Variants in FRMD4A observed in about 807,000 individuals in gnomAD.
FRMD4A encodes the protein FERM domain containing 4A, also known as FERM domain-containing protein 4A.
FRMD4A carries 29 observed loss-of-function variants against 129.1 expected under a neutral mutation model. The ratio of observed to expected loss-of-function variants is 0.22; its 90% CI spans 0.17 to 0.31. FRMD4A has a LOEUF of 0.31. FRMD4A is among the 10% of genes least tolerant of loss of function. The pLI is 1.00. For missense variants in FRMD4A, 1,272 were observed against 1,375.8 expected, an observed-to-expected ratio of 0.92 and a Z score of 1.19; for synonymous variants, 634 against 571.6, an observed-to-expected ratio of 1.11 and a Z score of -1.56.
At chr10:14,273,968 T>C (rs898299647) in intron 2 of FRMD4A, among the ~76,000 whole-genome samples, 1 of 152,130 alleles carries the variant, frequency 6.6e-6, no homozygotes, top group African/African-American at 2.4e-5. Flanking sequence ...GGGTGGAGAC[T>C]GGTGAGAAAG....
chr10:14,076,858 A>G (rs1208573523), intron 2 of FRMD4A, among the ~76,000 whole-genome samples: 2 of 152,202 alleles, frequency 1.3e-5, no homozygotes, highest in Non-Finnish European at 2.9e-5. Context: ...ACAAAGCTAC[A>G]TGAGATGTGG....
intron 12 of FRMD4A, among the ~76,000 whole-genome samples, chr10:13,730,736 G>A (rs551772233): frequency 2.6e-5 from 4 of 151,792 alleles, no homozygotes. Flanking sequence ...TTTTTTGGCT[G>A]GGCACAGTGG....
chr10:13,854,243 T>C (rs2094182147), intron 3 of FRMD4A, among the ~76,000 whole-genome samples: 1 of 152,072 alleles, frequency 6.6e-6, no homozygotes, highest in Non-Finnish European at 1.5e-5. Flanking sequence ...CAAATATACA[T>C]TCGGGTCAGA....
chr10:13,675,488 G>A (rs1026705737), intron 15 of FRMD4A, among the ~76,000 whole-genome samples: 41 of 152,058 alleles, frequency 2.7e-4, no homozygotes, highest in Admixed American at 1.6e-3. Flanking sequence ...TGCAACCTCC[G>A]CCTCCCAGGT....
At chr10:13,683,663 G>C (rs1426920072) in intron 15 of FRMD4A, among the ~76,000 whole-genome samples, 1 of 151,804 alleles carries the variant, frequency 6.6e-6, no homozygotes, top group Non-Finnish European at 1.5e-5. Flanking sequence ...GGAACCCACA[G>C]CCGGGAGCTA....
rs375940506 is a variant in FRMD4A, at chr10:13,884,152, ACT to A, written c.46-25242_46-25241del. Among the ~76,000 whole-genome samples, 125 of 23,404 alleles carry A rather than the reference ACT, an allele frequency of 5.3e-3. 3 individuals are homozygous for A. The highest frequency in any genetic ancestry group is 3.8e-3 in the African/African-American group (28 of 7,450). The allele number at this position is 23,404 out of a possible 152,430, so 15.4% of individuals were successfully genotyped here. ...CACACGCTCACACACACTCTCACAC[ACT>A]CTCACACACACACTCACACACTCAC... On this transcript the variant is annotated intron_variant, in intron 2 of 24. Transcript: ENST00000357447.
chr10:13,908,234 T>TAA (rs2094904245), intron 2 of FRMD4A, among the ~76,000 whole-genome samples: 1 of 150,436 alleles, frequency 6.6e-6, no homozygotes, highest in African/African-American at 2.4e-5. Context: ...CCATTAAAGT[T>TAA]AAACACTTTA....
chr10:13,814,098 T>C (rs2093494815), intron 3 of FRMD4A, among the ~76,000 whole-genome samples: 1 of 152,190 alleles, frequency 6.6e-6, no homozygotes, highest in Non-Finnish European at 1.5e-5. Flanking sequence ...GATTTTTTTT[T>C]TCAAATGCCA....
At chr10:14,282,726 A>G (rs1189607416) in intron 2 of FRMD4A, among the ~76,000 whole-genome samples, 4 of 152,220 alleles carry the variant, frequency 2.6e-5, no homozygotes, top group African/African-American at 9.6e-5. Context: ...AGGTTTAATG[A>G]GAACACATCT....
chr10:13,832,295 A>G (rs2093802466), intron 3 of FRMD4A, among the ~76,000 whole-genome samples: 1 of 152,152 alleles, frequency 6.6e-6, no homozygotes, highest in Non-Finnish European at 1.5e-5. Flanking sequence ...CAGCAATACC[A>G]GCATCAAGGA....
chr10:14,198,388 G>A (rs894943879), intron 2 of FRMD4A, among the ~76,000 whole-genome samples: 23 of 152,158 alleles, frequency 1.5e-4, no homozygotes, highest in African/African-American at 4.8e-4. Context: ...ATGGTTCTTG[G>A]CCAGGCGGAA....
rs1391798591 is a variant in FRMD4A at position 13,866,672 on chromosome 10, A to C, written c.46-7760T>G. On this transcript the variant is annotated intron_variant, in intron 2 of 24. Transcript: ENST00000357447. ...GGAAAGAAAGGACTTCAGGCAATTT[A>C]AAATCTGTTAAAACATTAATCCCTG... 5.9e-5 allele frequency among the ~76,000 whole-genome samples: 9 copies of C among 152,338 alleles called. No individual in the cohort carries two copies. The East Asian group carries it at 1.5e-3, about 26-fold the overall frequency.
At chr10:13,674,760 A>G (rs1243869097) in intron 16 of FRMD4A, 151 bp downstream of exon 16, 1 of 821,732 alleles carries the variant, frequency 1.2e-6, no homozygotes, top group Non-Finnish European at 2.0e-6. Flanking sequence ...CGCCGCCCAG[A>G]TAGGCCCTCT....
intron 2 of FRMD4A, among the ~76,000 whole-genome samples, chr10:13,913,117 G>A (rs2926387): frequency 0.96 from 145,752 of 151,768 alleles, 70,254 homozygotes; most frequent in East Asian, 1. Context: ...GAAATGAAGT[G>A]CTGATACATG....
intron 2 of FRMD4A, among the ~76,000 whole-genome samples, chr10:14,219,439 G>A (rs1456727405): frequency 1.3e-5 from 2 of 152,154 alleles, no homozygotes; most frequent in African/African-American, 4.8e-5. Context: ...AGCGCATTCT[G>A]ATGCCATCAG....
chr10:13,858,901 G>T lies in FRMD4A; in HGVS notation c.57C>A (p.Gly19=). ...CAAGAAGATGTACTTGACATCGGCG[G>T]CCCTCCGTCATCTAAGAGGGAAGAG... The part of the protein sequence containing the change: ...SALGLLMMTE[G]RRCQVHLLDD... The change falls in exon 3 of 25, where the codon GGC becomes GGA. Residue 19 remains glycine (G), a synonymous_variant. Coordinates refer to ENST00000357447, the MANE Select transcript of FRMD4A (RefSeq NM_018027.5). The T allele has an allele frequency of 6.3e-7, 1 of 1,597,170 alleles. No individual in the cohort carries two copies. Among genetic ancestry groups the T allele is most frequent in the Non-Finnish European group, 8.6e-7 (1 of 1,164,564 alleles).
chr10:14,273,599 T>G (rs1845238556), intron 2 of FRMD4A, among the ~76,000 whole-genome samples: 1 of 152,122 alleles, frequency 6.6e-6, no homozygotes, highest in Non-Finnish European at 1.5e-5. Flanking sequence ...TAGAAATGAA[T>G]TCTAACCTCT....
intron 2 of FRMD4A, among the ~76,000 whole-genome samples, chr10:14,110,350 T>C (rs1837834168): frequency 6.6e-6 from 1 of 151,946 alleles, no homozygotes; most frequent in Non-Finnish European, 1.5e-5. Context: ...AAGAATTCAC[T>C]CAAAAGAAAA....
chr10:14,165,604 A>G (rs976157363), intron 2 of FRMD4A, among the ~76,000 whole-genome samples: 5 of 152,232 alleles, frequency 3.3e-5, no homozygotes, highest in African/African-American at 1.2e-4. Context: ...GCATGGCATC[A>G]CCAGCTGCCC....
Sources: gnomAD v4.1 joint callset for allele counts (sites outside exome capture counted in the v4.1 genomes callset) on GRCh38, gnomAD v4.1.1 for gene constraint, MANE v1.5 for transcripts, NCBI Gene and HGNC (gene_info 2026-07-23, HGNC 2026-07-21) for gene names.